The following CD47 variants were observed in gnomAD, a reference collection of about 807,000 sequenced individuals.
CD47 encodes the protein leukocyte surface antigen CD47.
In CD47, 11 loss-of-function variants were observed where a neutral mutation model predicts 44.6. That is an observed-to-expected ratio of 0.25 (90% CI 0.16 to 0.41). CD47 has a LOEUF of 0.41. Ranked by LOEUF, CD47 falls within the 10% of genes least tolerant of loss-of-function variation. The pLI, the probability that CD47 is intolerant of heterozygous loss-of-function variation, is 1.00. For missense variants in CD47, 306 were observed against 386.7 expected, an observed-to-expected ratio of 0.79 and a Z score of 1.75; for synonymous variants, 140 against 136.3, an observed-to-expected ratio of 1.03 and a Z score of -0.19.
chr3:108,051,941 T>C lies in CD47; in HGVS notation c.907A>G (p.Arg303Gly), dbSNP rs1438633299. ...ASNQKTIQPP[R>G]KAVEEPLNAF... ...TCATTTAATAAACTTTAACTTACCCTAGGAGGTTGTATAGTCTTCTGATTG... is the reference window on the plus strand; with the variant it reads ...TCATTTAATAAACTTTAACTTACCCCAGGAGGTTGTATAGTCTTCTGATTG... The change falls in exon 8 of 11, where the codon AGG becomes GGG. Residue 303 changes from arginine (R) to glycine (G), a missense_variant and splice_region_variant. Arg to Gly is a moderately radical substitution (Grantham distance 125, BLOSUM62 -2). Coordinates refer to ENST00000361309, the MANE Select transcript of CD47 (RefSeq NM_001777.4). 2 of 1,491,586 alleles carry C rather than the reference T, an allele frequency of 1.3e-6. No individual in the cohort carries two copies. Among genetic ancestry groups the C allele is most frequent in the Non-Finnish European group, 1.9e-6 (2 of 1,071,308 alleles). The allele number at this position is 1,491,586 out of a possible 1,614,324, so 92.4% of individuals were successfully genotyped here.
chr3:108,056,449 T>G (rs1465807934), intron 7 of CD47, among the ~76,000 whole-genome samples: 6 of 152,190 alleles, frequency 3.9e-5, no homozygotes, highest in African/African-American at 1.4e-4. Flanking sequence ...AGGTAAAAGT[T>G]TTTTGAAACT....
At position 108,046,337 on chromosome 3, in the gene CD47, C is replaced by G. The variant is rs2078722026; in HGVS notation, c.*951G>C. On this transcript the variant is annotated 3_prime_UTR_variant, in exon 11 of 11. Transcript: ENST00000361309. Reference sequence around the variant, plus strand: ...ATCTTGCTTTTTTCATGCCCCAGATCAGAAAAGAAGTGAAGAAACACTGTA... The same window carrying G: ...ATCTTGCTTTTTTCATGCCCCAGATGAGAAAAGAAGTGAAGAAACACTGTA... 1.3e-5 allele frequency: 2 copies of G among 152,572 alleles called. No individual in the cohort carries two copies. The highest frequency in any genetic ancestry group is 1.3e-4 in the Admixed American group (2 of 15,270). The allele number at this position is 152,572 out of a possible 1,614,324, so 9.5% of individuals were successfully genotyped here. A position where few individuals can be genotyped will look rare whatever the true frequency, so the allele number is the denominator to read the frequency against.
At position 108,071,076 on chromosome 3, in the gene CD47, G is replaced by A; in HGVS notation, c.490+17C>T. 9.3e-7 allele frequency: 1 copy of A among 1,071,330 alleles called. No homozygotes were observed. The highest frequency in any genetic ancestry group is 1.5e-5 in the South Asian group (1 of 66,972). 66.4% of individuals were successfully genotyped at this position (1,071,330 alleles called of 1,614,324 possible). ...ATCATCACTGAAACATAAATGAAAA[G>A]TAGAAATAATACTTACTTTTAATAC... On this transcript the variant is annotated intron_variant, in intron 3 of 10. Coordinates refer to ENST00000361309, the MANE Select transcript of CD47 (RefSeq NM_001777.4).
Position 108,079,953 on chromosome 3 carries a change from A to G in CD47, c.400+38T>C, listed in dbSNP as rs546840168. The G allele has an allele frequency of 2.0e-5, 29 of 1,423,790 alleles. No individual in the cohort carries two copies. In the South Asian group the frequency reaches 3.0e-4, roughly 15 times the overall value. 88.2% of individuals were successfully genotyped at this position (1,423,790 alleles called of 1,614,324 possible). On this transcript the variant is annotated intron_variant, in intron 2 of 10. Coordinates refer to ENST00000361309, the MANE Select transcript of CD47 (RefSeq NM_001777.4). ...TCTCGAAAGAGGATCAGGTTGCACC[A>G]GGACAAATAAAAAAAGAAGCTTTCA...
intron 2 of CD47, among the ~76,000 whole-genome samples, chr3:108,077,741 T>C (rs1276722649): frequency 1.3e-5 from 2 of 152,108 alleles, no homozygotes; most frequent in African/African-American, 4.8e-5. Context: ...AAAGAACTAT[T>C]GATAGATGCA....
intron 1 of CD47, among the ~76,000 whole-genome samples, chr3:108,085,946 T>C (rs1421337886): frequency 1.3e-5 from 2 of 152,110 alleles, no homozygotes; most frequent in East Asian, 3.9e-4. Flanking sequence ...CTTGTATGGT[T>C]GGATAGAAAA....
chr3:108,079,408 C>G (rs1308605399), intron 2 of CD47, among the ~76,000 whole-genome samples: 2 of 151,578 alleles, frequency 1.3e-5, no homozygotes, highest in African/African-American at 4.8e-5. Context: ...CTCTAGTTCT[C>G]TCATATTTTG....
chr3:108,051,248 C>T (rs528615342), intron 8 of CD47, among the ~76,000 whole-genome samples: 1 of 152,176 alleles, frequency 6.6e-6, no homozygotes, highest in African/African-American at 2.4e-5. Context: ...AAGCTAAGTA[C>T]AATATAATCC....
In CD47 at chr3:108,044,773, T is replaced by A. The variant is rs568135073; in HGVS notation, c.*2515A>T. On this transcript the variant is annotated 3_prime_UTR_variant, in exon 11 of 11. Transcript: ENST00000361309. Reference sequence around the variant, plus strand: ...AGAATGTTTTGAAGGAGAAGACAAATAGAATTTGGCAAAAGTAGCTGGAAA... The same window carrying A: ...AGAATGTTTTGAAGGAGAAGACAAAAAGAATTTGGCAAAAGTAGCTGGAAA... 1.3e-5 allele frequency: 2 copies of A among 152,326 alleles called. No homozygotes were observed. The highest frequency in any genetic ancestry group is 3.9e-4 in the East Asian group (2 of 5,184). The allele number at this position is 152,326 out of a possible 1,614,324, so 9.4% of individuals were successfully genotyped here. A position where few individuals can be genotyped will look rare whatever the true frequency, so the allele number is the denominator to read the frequency against.
intron 2 of CD47, among the ~76,000 whole-genome samples, chr3:108,076,156 C>T (rs550719939): frequency 5.9e-5 from 9 of 152,296 alleles, no homozygotes; most frequent in Admixed American, 4.6e-4. Context: ...AGGCTTGCCA[C>T]CTACAAAACT....
intron 1 of CD47, among the ~76,000 whole-genome samples, chr3:108,080,691 T>C (rs1171592175): frequency 6.6e-6 from 1 of 151,874 alleles, no homozygotes; most frequent in East Asian, 1.9e-4. Flanking sequence ...TACTGATATA[T>C]GTAGAAAAAT....
chr3:108,048,134 A>T (rs1202248695), intron 10 of CD47, among the ~76,000 whole-genome samples: 1 of 151,430 alleles, frequency 6.6e-6, no homozygotes, highest in East Asian at 1.9e-4. Flanking sequence ...AAACCATGCC[A>T]TGCCACAGTT....
intron 1 of CD47, among the ~76,000 whole-genome samples, chr3:108,083,007 G>GT (rs981226620): frequency 4.6e-5 from 7 of 151,936 alleles, no homozygotes; most frequent in Non-Finnish European, 7.4e-5. Context: ...CTGATTTGGG[G>GT]TTTTTTCCTT....
chr3:108,059,237 A>G (rs546327237), intron 5 of CD47, among the ~76,000 whole-genome samples: 1 of 152,306 alleles, frequency 6.6e-6, no homozygotes, highest in South Asian at 2.1e-4. Flanking sequence ...ATTGGCATCA[A>G]ATACATATGA....
At position 108,045,267 on chromosome 3, in the gene CD47, A is replaced by T. The variant is rs983849039; in HGVS notation, c.*2021T>A. On this transcript the variant is annotated 3_prime_UTR_variant, in exon 11 of 11. Coordinates refer to ENST00000361309, the MANE Select transcript of CD47 (RefSeq NM_001777.4). ...AAGGTACAACTTTAGTTTATAAAAA[A>T]TTTTACTATAAAGATTTTCATACCT... is the stretch of plus-strand genomic sequence containing the variant. 12 of 152,614 alleles carry T rather than the reference A, an allele frequency of 7.9e-5. No homozygotes were observed. The highest frequency in any genetic ancestry group is 2.9e-4 in the African/African-American group (12 of 41,452). 9.5% of individuals were successfully genotyped at this position (152,614 alleles called of 1,614,324 possible).
At chr3:108,062,002 T>C (rs1426196744) in intron 3 of CD47, among the ~76,000 whole-genome samples, 1 of 152,216 alleles carries the variant, frequency 6.6e-6, no homozygotes, top group African/African-American at 2.4e-5. Flanking sequence ...TAAATATTTC[T>C]GGAATTTCTA....
intron 3 of CD47, among the ~76,000 whole-genome samples, chr3:108,069,925 A>G (rs1458356494): frequency 6.6e-6 from 1 of 152,206 alleles, no homozygotes; most frequent in East Asian, 1.9e-4. Flanking sequence ...AAAATTTCCA[A>G]AAGAAGTCTA....
intron 3 of CD47, among the ~76,000 whole-genome samples, chr3:108,069,511 G>GT (rs71299349): frequency 0.13 from 18,249 of 140,414 alleles, 1,403 homozygotes; most frequent in Middle Eastern, 0.2. Flanking sequence ...CTACAGATGA[G>GT]TTTTTTTTTT....
In CD47 at chr3:108,043,320, G is replaced by GTATATATAAT; in HGVS notation, c.*3958_*3967dup. 6.6e-6 allele frequency: 1 copy of GTATATATAAT among 151,720 alleles called. No individual in the cohort carries two copies. Among genetic ancestry groups the GTATATATAAT allele is most frequent in the Non-Finnish European group, 1.5e-5 (1 of 67,930 alleles). 9.4% of individuals were successfully genotyped at this position (151,720 alleles called of 1,614,324 possible). A position where few individuals can be genotyped will look rare whatever the true frequency, so the allele number is the denominator to read the frequency against. ...AAAATAGCTTAAAATGTTTTATTAA[G>GTATATATAAT]TATATATAATATTACAGGGTAATAT... On this transcript the variant is annotated 3_prime_UTR_variant, in exon 11 of 11. Transcript: ENST00000361309.
Sources: allele counts gnomAD v4.1 joint callset (sites outside exome capture counted in the v4.1 genomes callset), GRCh38; gene constraint gnomAD v4.1.1; transcripts MANE v1.5; gene names NCBI Gene and HGNC (gene_info 2026-07-23, HGNC 2026-07-21).